The following TRIM67 variants were observed in gnomAD, a reference collection of about 807,000 sequenced individuals.
TRIM67 encodes tripartite motif-containing protein 67.
In TRIM67, 39 loss-of-function variants were observed where a neutral mutation model predicts 71.0. The observed-to-expected ratio is 0.55, with a 90% CI of 0.43 to 0.72. The LOEUF (loss-of-function observed/expected upper bound fraction) is 0.72, where lower values mean the gene tolerates loss of function less well. TRIM67 is among the 30% of genes least tolerant of loss of function. The probability of loss-of-function intolerance (pLI) is 0.00; values close to 1 mark genes in which losing one functional copy is unlikely to be tolerated. For synonymous variants in TRIM67, 481 were observed against 473.9 expected, an observed-to-expected ratio of 1.01 and a Z score of -0.19; for missense variants, 973 against 1,079.2, an observed-to-expected ratio of 0.90 and a Z score of 1.38.
intron 1 of TRIM67, among the ~76,000 whole-genome samples, chr1:231,195,802 C>T (rs540674437): frequency 1.3e-5 from 2 of 152,172 alleles, no homozygotes; most frequent in South Asian, 2.1e-4. Context: ...CTTGGTAAAC[C>T]GCAGACTCCA....
intron 1 of TRIM67, chr1:231,184,966 A>G (rs1248775496): frequency 2.0e-6 from 3 of 1,475,084 alleles, no homozygotes; most frequent in Non-Finnish European, 2.7e-6. Context: ...GTTGCTGGAT[A>G]AACACCCAGC....
intron 1 of TRIM67, among the ~76,000 whole-genome samples, chr1:231,173,180 C>A (rs1427456208): frequency 6.6e-6 from 1 of 151,960 alleles, no homozygotes; most frequent in East Asian, 1.9e-4. Flanking sequence ...AGAAAATTGA[C>A]AAGTAAATGA....
chr1:231,202,108 A>AGGTAGTAGAGCAGGAGAAGGGGGTAAT (rs1558304012), intron 5 of TRIM67, among the ~76,000 whole-genome samples: 1 of 46,080 alleles, frequency 2.2e-5, no homozygotes, highest in Non-Finnish European at 5.7e-5. Context: ...GAGGAGGAGG[A>AGGTAGTAGAGCAGGAGAAGGGGGTAAT]GGAGGTAATG....
chr1:231,215,278 C>T, intron 9 of TRIM67, 97 bp from the exon 10 acceptor site: 1 of 1,499,406 alleles, frequency 6.7e-7, no homozygotes, highest in East Asian at 2.5e-5. Flanking sequence ...GCCCTGGAGC[C>T]AGCAGGGGAT....
intron 1 of TRIM67, among the ~76,000 whole-genome samples, chr1:231,174,791 T>C (rs1457924876): frequency 1.3e-5 from 2 of 152,236 alleles, no homozygotes; most frequent in African/African-American, 2.4e-5. Flanking sequence ...TTTTCTTTCT[T>C]TTTAAGTTAT....
At position 231,220,538 on chromosome 1, in the gene TRIM67, G is replaced by GTGAATGGGTT. The variant is rs1684117315; in HGVS notation, c.*5103_*5112dup. On this transcript the variant is annotated 3_prime_UTR_variant, in exon 10 of 10. Coordinates refer to ENST00000366653, the MANE Select transcript of TRIM67 (RefSeq NM_001004342.5). ...CTTTGTTTCGAGGGGTCTCTGCAGT[G>GTGAATGGGTT]TGAATGGGTTTGAAATCCAGTGTGG... 1 of 152,766 alleles carries GTGAATGGGTT rather than the reference G, an allele frequency of 6.5e-6. No individual in the cohort carries two copies. The highest frequency in any genetic ancestry group is 6.5e-5 in the Admixed American group (1 of 15,316). The allele number at this position is 152,766 out of a possible 1,614,324, so 9.5% of individuals were successfully genotyped here. A position where few individuals can be genotyped will look rare whatever the true frequency, so the allele number is the denominator to read the frequency against.
intron 1 of TRIM67, among the ~76,000 whole-genome samples, chr1:231,187,235 G>C (rs1410967561): frequency 6.6e-6 from 1 of 152,158 alleles, no homozygotes; most frequent in Admixed American, 6.5e-5. Context: ...ACCTGCCTCT[G>C]TTGGCCCCAG....
In TRIM67 at chr1:231,163,012, C is replaced by T. The variant is rs771102346; in HGVS notation, c.43C>T (p.Arg15Trp). The T allele has an allele frequency of 6.2e-7, 1 of 1,612,782 alleles. No homozygotes were observed. Among genetic ancestry groups the T allele is most frequent in the Middle Eastern group, 1.7e-4 (1 of 6,056 alleles). ...LKCPVCGSLF[R>W]EPIILPCSHN... Reference sequence around the variant, plus strand: ...GTGTCCCGTGTGCGGCTCTCTGTTTCGGGAGCCTATCATCCTGCCCTGTTC... The same window carrying T: ...GTGTCCCGTGTGCGGCTCTCTGTTTTGGGAGCCTATCATCCTGCCCTGTTC... The change falls in exon 1 of 10, where the codon CGG (arginine) becomes TGG (tryptophan). Residue 15 changes from arginine (R) to tryptophan (W), a missense_variant. By Grantham distance (101) the Arg-to-Trp change is moderately radical. Coordinates refer to ENST00000366653, the MANE Select transcript of TRIM67 (RefSeq NM_001004342.5).
At chr1:231,215,273 G>T in intron 9 of TRIM67, 102 bp from the exon 10 acceptor site, 1 of 1,490,424 alleles carries the variant, frequency 6.7e-7, no homozygotes, top group South Asian at 1.3e-5. Context: ...GGATGGCCCT[G>T]GAGCCAGCAG....
At position 231,218,702 on chromosome 1, in the gene TRIM67, T is replaced by G. The variant is rs1684073152; in HGVS notation, c.*3262T>G. The G allele has an allele frequency of 2.0e-6, 2 of 985,444 alleles. No homozygotes were observed. The highest frequency in any genetic ancestry group is 4.7e-5 in the South Asian group (1 of 21,292). The allele number at this position is 985,444 out of a possible 1,614,324, so 61.0% of individuals were successfully genotyped here. A position where few individuals can be genotyped will look rare whatever the true frequency, so the allele number is the denominator to read the frequency against. On this transcript the variant is annotated 3_prime_UTR_variant, in exon 10 of 10. Transcript: ENST00000366653. ...TATAAAACTGTATATATTTCCAGGC[T>G]GCATCTTCAGCCTGATATGTACTTT...
At chr1:231,180,882 G>C (rs1161171556) in intron 1 of TRIM67, among the ~76,000 whole-genome samples, 1 of 152,158 alleles carries the variant, frequency 6.6e-6, no homozygotes, top group Non-Finnish European at 1.5e-5. Context: ...ATCACTCTAA[G>C]GCTGGGCCCT....
At chr1:231,176,964 G>A (rs1273236211) in intron 1 of TRIM67, among the ~76,000 whole-genome samples, 1 of 147,248 alleles carries the variant, frequency 6.8e-6, no homozygotes, top group East Asian at 2.0e-4. Context: ...AAGTTAAGGG[G>A]CTAGAGATGG....
intron 1 of TRIM67, among the ~76,000 whole-genome samples, chr1:231,171,869 C>A (rs986579101): frequency 6.6e-6 from 1 of 152,078 alleles, no homozygotes; most frequent in Admixed American, 6.5e-5. Flanking sequence ...CAGAGGCGGG[C>A]GAATTGCTTG....
intron 1 of TRIM67, among the ~76,000 whole-genome samples, chr1:231,179,196 C>T (rs1045071178): frequency 4.6e-5 from 7 of 152,170 alleles, no homozygotes; most frequent in African/African-American, 1.4e-4. Context: ...AAGGACCTGC[C>T]CCAGGGCCCT....
chr1:231,219,881 A>G lies in TRIM67; in HGVS notation c.*4441A>G. ...AACCTAATATCTAGGCTGTAAAAAT[A>G]TGAGGGCAGGTTTCGGGCAGGATGT... On this transcript the variant is annotated 3_prime_UTR_variant, in exon 10 of 10. Transcript: ENST00000366653. The G allele has an allele frequency of 2.3e-6, 3 of 1,289,892 alleles. No individual in the cohort carries two copies. The highest frequency in any genetic ancestry group is 3.0e-5 in the African/African-American group (2 of 65,970). The allele number at this position is 1,289,892 out of a possible 1,614,324, so 79.9% of individuals were successfully genotyped here.
At position 231,206,578 on chromosome 1, in the gene TRIM67, T is replaced by C. The variant is rs1683704400; in HGVS notation, c.1681-74T>C. ...AACAGCACTTTTAATGTCAATGTGT[T>C]TCCAGAAGCCATTTGCTAAGAGGAG... On this transcript the variant is annotated intron_variant, in intron 6 of 9. Coordinates refer to ENST00000366653, the MANE Select transcript of TRIM67 (RefSeq NM_001004342.5). 2.1e-6 allele frequency: 3 copies of C among 1,425,450 alleles called. No homozygotes were observed. In the East Asian group the frequency reaches 7.7e-5, roughly 37 times the overall value. 88.3% of individuals were successfully genotyped at this position (1,425,450 alleles called of 1,614,324 possible). A position where few individuals can be genotyped will look rare whatever the true frequency, so the allele number is the denominator to read the frequency against.
At chr1:231,205,768 C>T (rs1683678072) in intron 6 of TRIM67, among the ~76,000 whole-genome samples, 1 of 151,368 alleles carries the variant, frequency 6.6e-6, no homozygotes. Context: ...ATCTTTGAGG[C>T]CAGATGCAGA....
chr1:231,207,711 T>A (rs1312809984), intron 7 of TRIM67, among the ~76,000 whole-genome samples: 1 of 152,170 alleles, frequency 6.6e-6, no homozygotes, highest in Non-Finnish European at 1.5e-5. Context: ...TTTCTGAAAA[T>A]GATGCCACCT....
Position 231,218,875 on chromosome 1 carries a change from C to G in TRIM67, c.*3435C>G, listed in dbSNP as rs1453260407. The G allele has an allele frequency of 4.1e-6, 4 of 985,420 alleles. No individual in the cohort carries two copies. The highest frequency in any genetic ancestry group is 4.8e-6 in the Non-Finnish European group (4 of 830,000). 61.0% of individuals were successfully genotyped at this position (985,420 alleles called of 1,614,324 possible). On this transcript the variant is annotated 3_prime_UTR_variant, in exon 10 of 10. Coordinates refer to ENST00000366653, the MANE Select transcript of TRIM67 (RefSeq NM_001004342.5). ...TCCTCTTTGCGCCCTTTCTCTCCCTCTTGGTGCCCCTGCCCTCCGCCCCAC... is the reference window on the plus strand; with the variant it reads ...TCCTCTTTGCGCCCTTTCTCTCCCTGTTGGTGCCCCTGCCCTCCGCCCCAC...
Sources: allele counts gnomAD v4.1 joint callset (sites outside exome capture counted in the v4.1 genomes callset), GRCh38; gene constraint gnomAD v4.1.1; transcripts MANE v1.5; gene names NCBI Gene and HGNC (gene_info 2026-07-23, HGNC 2026-07-21).